DPP6: variants seen among roughly 807,000 people sequenced by gnomAD.
DPP6 encodes the protein dipeptidyl peptidase like 6, also known as A-type potassium channel modulatory protein DPP6.
A neutral mutation model predicts 122.6 loss-of-function variants in DPP6; 69 were observed. The ratio of observed to expected loss-of-function variants is 0.56; its 90% CI spans 0.46 to 0.69. DPP6 has a LOEUF of 0.69. Ranked by LOEUF, DPP6 falls within the 30% of genes least tolerant of loss-of-function variation. DPP6 has a pLI of 0.00. For missense variants in DPP6, 928 were observed against 1,116.9 expected (o/e 0.83, Z 2.41); for synonymous variants, 418 against 433.1 (o/e 0.97, Z 0.43).
At chr7:153,828,843 CATA>C in the DPP6 span, among the ~76,000 whole-genome samples, 2 of 152,150 alleles carry the variant, frequency 1.3e-5, no homozygotes, top group Non-Finnish European at 2.9e-5. Flanking sequence ...ATCTTGAAAA[CATA>C]ATATTTTAAA....
At chr7:154,052,042 T>A (rs541074389), upstream of DPP6, among the ~76,000 whole-genome samples, 1,647 of 150,700 alleles carry the variant, frequency 0.011, 41 homozygotes, top group African/African-American at 0.038. This position sits in a 1 kb window ranked among gnomAD's most constrained non-coding sequence, Gnocchi z 4.8. Context: ...CGGCTGCACC[T>A]TCAGTCGCCC....
chr7:154,887,814 GCC>G (rs907073856), intron 23 of DPP6, 80 bp downstream of exon 23: 2 of 1,498,038 alleles, frequency 1.3e-6, no homozygotes, highest in Admixed American at 3.3e-5. Context: ...TGGCTGTATG[GCC>G]CACTCTGCCT....
the DPP6 span, among the ~76,000 whole-genome samples, chr7:153,868,784 C>A: frequency 6.6e-6 from 1 of 152,028 alleles, no homozygotes; most frequent in Admixed American, 6.6e-5. Flanking sequence ...CTCTTGTGGG[C>A]ATTTAGTGCT....
At chr7:154,214,128 T>G (rs936512674) in intron 1 of DPP6, among the ~76,000 whole-genome samples, 10 of 152,176 alleles carry the variant, frequency 6.6e-5, no homozygotes, top group Non-Finnish European at 1.2e-4. Flanking sequence ...AAGTCGCTGT[T>G]TATTTGAGAT....
chr7:154,221,327 G>C (rs752405701), intron 1 of DPP6, among the ~76,000 whole-genome samples: 93 of 152,162 alleles, frequency 6.1e-4, no homozygotes, highest in Non-Finnish European at 4.4e-4. Flanking sequence ...TTTTATTAGA[G>C]GTGGGGTTTC....
intron 1 of DPP6, among the ~76,000 whole-genome samples, chr7:154,223,610 G>A (rs1489709038): frequency 1.3e-5 from 2 of 149,168 alleles, no homozygotes; most frequent in African/African-American, 5.1e-5. Context: ...GAAGAATGGT[G>A]AAAAGAATGT....
chr7:153,941,514 C>T (rs1037309927), intron 1 of DPP6, among the ~76,000 whole-genome samples: 1 of 152,230 alleles, frequency 6.6e-6, no homozygotes, highest in African/African-American at 2.4e-5. Flanking sequence ...CCTGGCAGGA[C>T]ACTGCTGGAG....
At position 154,301,812 on chromosome 7, in the gene DPP6, TTG is replaced by T. The variant is rs1310458835; in HGVS notation, c.244-144400_244-144399del. On this transcript the variant is annotated intron_variant, in intron 1 of 25. Transcript: ENST00000377770. ...TTTTTTTTTTTTTTTTTTTTTTTTTTTGTTGGAGACAGAGCTCTCACCCGGGC... is the reference window on the plus strand; with the variant it reads ...TTTTTTTTTTTTTTTTTTTTTTTTTTTTGGAGACAGAGCTCTCACCCGGGC... Among the ~76,000 whole-genome samples the T allele has an allele frequency of 2.9e-3, 150 of 50,952 alleles. 16 individuals are homozygous for T. The highest frequency in any genetic ancestry group is 8.0e-3 in the East Asian group (19 of 2,372). 33.4% of individuals were successfully genotyped at this position (50,952 alleles called of 152,430 possible). A position where few individuals can be genotyped will look rare whatever the true frequency, so the allele number is the denominator to read the frequency against.
At chr7:154,091,172 C>G (rs1035882254) in intron 1 of DPP6, among the ~76,000 whole-genome samples, 26 of 151,862 alleles carry the variant, frequency 1.7e-4, no homozygotes, top group African/African-American at 5.3e-4. Flanking sequence ...TATTGGGAAG[C>G]CTTTAGGTTC....
chr7:154,318,179 G>C (rs370666672), intron 1 of DPP6, among the ~76,000 whole-genome samples: 102 of 152,284 alleles, frequency 6.7e-4, no homozygotes, highest in African/African-American at 2.3e-3. Context: ...CTCACTTCTG[G>C]TCTCAAATCA....
chr7:154,729,977 G>A (rs536224275), intron 8 of DPP6, among the ~76,000 whole-genome samples: 1 of 152,314 alleles, frequency 6.6e-6, no homozygotes, highest in African/African-American at 2.4e-5. Context: ...CCACCAAAGA[G>A]GTACAGGCAG....
intron 18 of DPP6, among the ~76,000 whole-genome samples, chr7:154,870,407 C>T (rs1804287354): frequency 6.6e-6 from 1 of 151,808 alleles, no homozygotes; most frequent in South Asian, 2.1e-4. Context: ...GAGTTCAAGA[C>T]AAGCCTGGCC....
At chr7:154,539,666 G>A (rs1453416133) in intron 3 of DPP6, among the ~76,000 whole-genome samples, 1 of 151,576 alleles carries the variant, frequency 6.6e-6, no homozygotes, top group Non-Finnish European at 1.5e-5. Flanking sequence ...AAAAATTCTA[G>A]AAGAAAACAT....
intron 1 of DPP6, among the ~76,000 whole-genome samples, chr7:154,227,694 A>C (rs1800692662): frequency 6.7e-6 from 1 of 148,394 alleles, no homozygotes; most frequent in South Asian, 2.1e-4. Context: ...ATCCTCCTGG[A>C]CTTTACTCAG....
At chr7:153,765,455 T>TC in the DPP6 span, among the ~76,000 whole-genome samples, 3 of 151,158 alleles carry the variant, frequency 2.0e-5, no homozygotes, top group Admixed American at 6.6e-5. Context: ...GGCAGGAGAA[T>TC]CCCTTGAACC....
rs1821868575 is a variant in DPP6 at position 154,467,278 on chromosome 7, T to G, written c.359-7661T>G. Among the ~76,000 whole-genome samples, 3 of 152,132 alleles carry G rather than the reference T, an allele frequency of 2.0e-5. No individual in the cohort carries two copies. The South Asian group carries it at 6.2e-4, about 32-fold the overall frequency. On this transcript the variant is annotated intron_variant, in intron 2 of 25. Coordinates refer to ENST00000377770, the MANE Select transcript of DPP6 (RefSeq NM_130797.4). Reference sequence around the variant, plus strand: ...GCCTGAGAATTTTGGGGGTCTGATATGGTTTGGCTCTGTGTTCCCACCCAA... The same window carrying G: ...GCCTGAGAATTTTGGGGGTCTGATAGGGTTTGGCTCTGTGTTCCCACCCAA...
intron 1 of DPP6, among the ~76,000 whole-genome samples, chr7:154,074,835 T>C (rs990874604): frequency 1.3e-5 from 2 of 151,396 alleles, no homozygotes; most frequent in Non-Finnish European, 2.9e-5. Context: ...CACTATTTTC[T>C]TGAAAAGAAA....
intron 1 of DPP6, among the ~76,000 whole-genome samples, chr7:154,101,752 A>G (rs1472512337): frequency 2.0e-5 from 3 of 151,300 alleles, no homozygotes; most frequent in Admixed American, 1.3e-4. Context: ...ACATGGTGAA[A>G]CCCCATCTCT....
At position 154,892,617 on chromosome 7, in the gene DPP6, C is replaced by T. The variant is rs576272810; in HGVS notation, c.*137C>T. 34 of 1,508,226 alleles carry T rather than the reference C, an allele frequency of 2.3e-5. No homozygotes were observed. The African/African-American group carries it at 4.3e-4, about 19-fold the overall frequency. The allele number at this position is 1,508,226 out of a possible 1,614,324, so 93.4% of individuals were successfully genotyped here. ...TTCCATAGCATGTGTGTCTCGGATG[C>T]GGAAGGCAGTTTTGCTTGGGAAACA... On this transcript the variant is annotated 3_prime_UTR_variant, in exon 26 of 26. Coordinates refer to ENST00000377770, the MANE Select transcript of DPP6 (RefSeq NM_130797.4).
Sources: gnomAD v4.1 joint callset for allele counts (sites outside exome capture counted in the v4.1 genomes callset) on GRCh38, gnomAD v4.1.1 for gene constraint, Gnocchi (gnomAD v3.1) non-coding constraint, MANE v1.5 for transcripts, NCBI Gene and HGNC (gene_info 2026-07-23, HGNC 2026-07-21) for gene names.